The following NCAM1 variants were observed in gnomAD, a reference collection of about 807,000 sequenced individuals.
NCAM1 encodes neural cell adhesion molecule 1, also known as antigen recognized by monoclonal antibody 5.1H11.
Under a neutral mutation model 109.8 loss-of-function variants are expected in NCAM1, and 14 were observed. That is an observed-to-expected ratio of 0.13 (90% CI 0.08 to 0.20). The LOEUF (loss-of-function observed/expected upper bound fraction) is 0.20, where lower values mean the gene tolerates loss of function less well. Ranked by LOEUF, NCAM1 falls within the 10% of genes least tolerant of loss-of-function variation. NCAM1 has a pLI of 1.00. For missense variants in NCAM1, 774 were observed against 1,109.9 expected (o/e 0.70, Z 4.30); for synonymous variants, 418 against 442.9 (o/e 0.94, Z 0.70).
intron 1 of NCAM1, among the ~76,000 whole-genome samples, chr11:113,064,146 T>A (rs1235390990): frequency 6.6e-6 from 1 of 152,260 alleles, no homozygotes; most frequent in Non-Finnish European, 1.5e-5. Flanking sequence ...CTGCCTGATA[T>A]TGAATGATTG....
chr11:113,153,508 G>A (rs1158223194), intron 1 of NCAM1, among the ~76,000 whole-genome samples: 2 of 151,880 alleles, frequency 1.3e-5, no homozygotes, highest in East Asian at 3.9e-4. Flanking sequence ...CAAACGTGAT[G>A]GATAAGATGT....
rs1304513409 is a variant in NCAM1 at position 113,273,006 on chromosome 11, A to G, written c.2456+1130A>G. 3.3e-5 allele frequency: 15 copies of G among 456,822 alleles called. No homozygotes were observed. Among genetic ancestry groups the G allele is most frequent in the Admixed American group, 4.7e-5 (2 of 42,576 alleles). 28.3% of individuals were successfully genotyped at this position (456,822 alleles called of 1,614,324 possible). On this transcript the variant is annotated intron_variant, in intron 19 of 19. Transcript: ENST00000316851. This position sits in a 1 kb window ranked among gnomAD's most constrained non-coding sequence, Gnocchi z 6.0. ...CACCACCGTCACCACTAACTCTGAC[A>G]CTATCACCGAAACCTTTGCCACTGC...
intron 1 of NCAM1, among the ~76,000 whole-genome samples, chr11:112,969,512 G>C (rs141282590): frequency 6.6e-6 from 1 of 152,264 alleles, no homozygotes; most frequent in East Asian, 1.9e-4. Context: ...GCACTATTCA[G>C]AGCTGTGGTC....
At chr11:113,202,800 C>G (rs955994385) in intron 2 of NCAM1, among the ~76,000 whole-genome samples, 1 of 152,216 alleles carries the variant, frequency 6.6e-6, no homozygotes, top group Non-Finnish European at 1.5e-5. Flanking sequence ...TGGAGAACAG[C>G]ACTGGCTCAG....
chr11:113,156,238 C>T (rs1942404314), intron 1 of NCAM1, among the ~76,000 whole-genome samples: 1 of 152,088 alleles, frequency 6.6e-6, no homozygotes, highest in Non-Finnish European at 1.5e-5. Context: ...AAAGAGAGAA[C>T]ATGAGAGGAC....
At position 113,191,823 on chromosome 11, in the gene NCAM1, T is replaced by C. The variant is rs1043496004; in HGVS notation, c.53-10556T>C. ...TGAATGTGGAATTTTCCACTTGATA[T>C]AAACCAAATTTAACAATTCTTTGCA... On this transcript the variant is annotated intron_variant, in intron 1 of 19. Coordinates refer to ENST00000316851, the MANE Select transcript of NCAM1 (RefSeq NM_181351.5). 1.2e-4 allele frequency among the ~76,000 whole-genome samples: 18 copies of C among 152,218 alleles called. No individual in the cohort carries two copies. In the East Asian group the frequency reaches 1.4e-3, roughly 11 times the overall value.
At chr11:113,073,710 C>T (rs1191973825) in intron 1 of NCAM1, among the ~76,000 whole-genome samples, 1 of 152,120 alleles carries the variant, frequency 6.6e-6, no homozygotes, top group African/African-American at 2.4e-5. Flanking sequence ...CCTTTAAATC[C>T]GCATCACACA....
chr11:113,088,328 C>T (rs1939180783), intron 1 of NCAM1, among the ~76,000 whole-genome samples: 4 of 152,176 alleles, frequency 2.6e-5, no homozygotes, highest in Admixed American at 2.6e-4. Context: ...GTAATTCGGG[C>T]TAATGCAAGC....
chr11:113,042,951 C>A (rs1436379002), intron 1 of NCAM1, among the ~76,000 whole-genome samples: 1 of 152,214 alleles, frequency 6.6e-6, no homozygotes, highest in Non-Finnish European at 1.5e-5. Context: ...TCAGTCAATA[C>A]TAATTTTCCT....
chr11:113,072,728 G>A, intron 1 of NCAM1, among the ~76,000 whole-genome samples: 1 of 44,078 alleles, frequency 2.3e-5, no homozygotes, highest in East Asian at 7.5e-4. Flanking sequence ...TGTTGCTAGA[G>A]TCATCTTTTT....
intron 1 of NCAM1, among the ~76,000 whole-genome samples, chr11:113,067,317 C>T (rs143838308): frequency 6.6e-6 from 1 of 152,258 alleles, no homozygotes; most frequent in East Asian, 1.9e-4. Context: ...TACTGGAAGC[C>T]CAAGGTTTCA....
chr11:113,230,069 A>G (rs557370984), intron 9 of NCAM1, among the ~76,000 whole-genome samples: 30 of 152,102 alleles, frequency 2.0e-4, no homozygotes, highest in African/African-American at 7.0e-4. Context: ...GTACCCTAAA[A>G]CTTAAAGTAT....
intron 1 of NCAM1, among the ~76,000 whole-genome samples, chr11:113,197,662 T>A (rs758211396): frequency 6.6e-6 from 1 of 152,174 alleles, no homozygotes; most frequent in East Asian, 1.9e-4. Context: ...CTTTATAACA[T>A]CTTGACAAGG....
chr11:112,975,629 C>T (rs950140579), intron 1 of NCAM1, among the ~76,000 whole-genome samples: 4 of 151,840 alleles, frequency 2.6e-5, no homozygotes, highest in Non-Finnish European at 4.4e-5. Flanking sequence ...AACCATCTGT[C>T]ATAATGAAGT....
chr11:113,120,837 G>T (rs1214850953), intron 1 of NCAM1, among the ~76,000 whole-genome samples: 1 of 152,220 alleles, frequency 6.6e-6, no homozygotes, highest in Non-Finnish European at 1.5e-5. Flanking sequence ...TCATTGGGGA[G>T]AGGGAAGGAG....
At chr11:113,162,706 C>T (rs782262429) in intron 1 of NCAM1, among the ~76,000 whole-genome samples, 1 of 151,896 alleles carries the variant, frequency 6.6e-6, no homozygotes, top group Non-Finnish European at 1.5e-5. Context: ...TTGTCTCCAC[C>T]AGGAATGTTA....
intron 1 of NCAM1, among the ~76,000 whole-genome samples, chr11:113,023,720 A>G (rs1417385320): frequency 1.3e-5 from 2 of 152,182 alleles, no homozygotes; most frequent in African/African-American, 2.4e-5. Flanking sequence ...TATGAATTTC[A>G]TAGAATTAGG....
intron 1 of NCAM1, among the ~76,000 whole-genome samples, chr11:113,003,426 T>G (rs1272255748): frequency 6.6e-6 from 1 of 152,214 alleles, no homozygotes; most frequent in Non-Finnish European, 1.5e-5. Flanking sequence ...TTGTGTTGTG[T>G]GGCAGAAACA....
At position 113,273,690 on chromosome 11, in the gene NCAM1, C is replaced by A. The variant is rs782039039; in HGVS notation, c.2457-1577C>A. 4.4e-6 allele frequency: 2 copies of A among 455,880 alleles called. No homozygotes were observed. The highest frequency in any genetic ancestry group is 3.1e-5 in the South Asian group (2 of 64,516). 28.2% of individuals were successfully genotyped at this position (455,880 alleles called of 1,614,324 possible). The stretch of plus-strand genomic sequence containing the variant: ...CGCCGCTGGGGCCAGTGGACAAGCC[C>A]CTGAGCTTGCTCCTTCCACTGCAGA... On this transcript the variant is annotated intron_variant, in intron 19 of 19. Coordinates refer to ENST00000316851, the MANE Select transcript of NCAM1 (RefSeq NM_181351.5). This position sits in a 1 kb window ranked among gnomAD's most constrained non-coding sequence, Gnocchi z 6.0.
Sources: allele counts gnomAD v4.1 joint callset (sites outside exome capture counted in the v4.1 genomes callset), GRCh38; gene constraint gnomAD v4.1.1; non-coding constraint Gnocchi (gnomAD v3.1); transcripts MANE v1.5; gene names NCBI Gene and HGNC (gene_info 2026-07-23, HGNC 2026-07-21).